The following UBR3 variants were observed in gnomAD, a reference collection of about 807,000 sequenced individuals.
UBR3 encodes the protein E3 ubiquitin-protein ligase UBR3.
A neutral mutation model predicts 243.2 loss-of-function variants in UBR3; 85 were observed. That is an observed-to-expected ratio of 0.35 (90% CI 0.29 to 0.42). The LOEUF is 0.42. UBR3 is among the 10% of genes least tolerant of loss of function. The probability of loss-of-function intolerance (pLI) is 1.00; values close to 1 mark genes in which losing one functional copy is unlikely to be tolerated. For synonymous variants in UBR3, 748 were observed against 799.8 expected, an observed-to-expected ratio of 0.94 and a Z score of 1.09; for missense variants, 1,686 against 2,300.8, an observed-to-expected ratio of 0.73 and a Z score of 5.47.
chr2:169,888,358 C>G (rs1390392609), intron 5 of UBR3, among the ~76,000 whole-genome samples: 1 of 151,680 alleles, frequency 6.6e-6, no homozygotes, highest in Non-Finnish European at 1.5e-5. Flanking sequence ...AGGCTGATCT[C>G]GAACTCCTGA....
chr2:169,844,495 T>C (rs1296735620), intron 1 of UBR3, among the ~76,000 whole-genome samples: 4 of 9,784 alleles, frequency 4.1e-4, no homozygotes, highest in Non-Finnish European at 1.3e-3. Flanking sequence ...CCTCTCTCTT[T>C]TTTTTTTTTT....
intron 25 of UBR3, among the ~76,000 whole-genome samples, chr2:169,992,599 A>T (rs1484809299): frequency 6.6e-6 from 1 of 152,088 alleles, no homozygotes; most frequent in Non-Finnish European, 1.5e-5. Context: ...TTTGTCTCTT[A>T]TTTCTGTTGC....
chr2:169,859,273 G>A (rs937138018), intron 1 of UBR3, among the ~76,000 whole-genome samples: 2 of 151,780 alleles, frequency 1.3e-5, no homozygotes, highest in Non-Finnish European at 2.9e-5. Flanking sequence ...GGGTTTCACC[G>A]TGCTAGCCAG....
chr2:169,917,149 A>G (rs1212844203), intron 11 of UBR3, among the ~76,000 whole-genome samples: 1 of 152,014 alleles, frequency 6.6e-6, no homozygotes, highest in Non-Finnish European at 1.5e-5. Context: ...GATTTTGTAC[A>G]TTTGGATTTT....
intron 19 of UBR3, among the ~76,000 whole-genome samples, chr2:169,937,316 T>C (rs901660419): frequency 2.0e-5 from 3 of 152,224 alleles, no homozygotes; most frequent in African/African-American, 4.8e-5. Flanking sequence ...TTTTGAGAAG[T>C]GTCTGTTCGT....
intron 5 of UBR3, among the ~76,000 whole-genome samples, chr2:169,881,163 C>G (rs546047991): frequency 4.0e-5 from 6 of 151,720 alleles, no homozygotes; most frequent in African/African-American, 1.2e-4. Context: ...TAGTTTAGAC[C>G]CTTTGACCTT....
intron 11 of UBR3, among the ~76,000 whole-genome samples, chr2:169,922,226 C>T (rs995130001): frequency 6.7e-6 from 1 of 149,860 alleles, no homozygotes; most frequent in Non-Finnish European, 1.5e-5. Flanking sequence ...GTGGAGGTTG[C>T]AGCGAACTGT....
Position 169,966,170 on chromosome 2 carries a change from C to T in UBR3, c.3634+7644C>T, listed in dbSNP as rs2087798672. On this transcript the variant is annotated intron_variant, in intron 24 of 38. Coordinates refer to ENST00000272793, the MANE Select transcript of UBR3 (RefSeq NM_172070.4). ...CCTTCTTTCTTGATCATTATCCTCCCCACCACCTTTTTTAATTTTTACTAG... is the reference window on the plus strand; with the variant it reads ...CCTTCTTTCTTGATCATTATCCTCCTCACCACCTTTTTTAATTTTTACTAG... Among the ~76,000 whole-genome samples, 3 of 152,038 alleles carry T rather than the reference C, an allele frequency of 2.0e-5. No individual in the cohort carries two copies. The South Asian group carries it at 6.2e-4, about 32-fold the overall frequency.
Position 169,902,698 on chromosome 2 carries a change from C to G in UBR3, c.1466-2416C>G, listed in dbSNP as rs1170224397. On this transcript the variant is annotated intron_variant, in intron 8 of 38. Coordinates refer to ENST00000272793, the MANE Select transcript of UBR3 (RefSeq NM_172070.4). ...AATCTCGGCTCACTGCAACCTCCGC[C>G]TCCCGGGTTCAAGTGATTCTCCTGC... is the stretch of plus-strand genomic sequence containing the variant. 2.6e-5 allele frequency among the ~76,000 whole-genome samples: 4 copies of G among 151,686 alleles called. No individual in the cohort carries two copies. In the East Asian group the frequency reaches 7.7e-4, roughly 29 times the overall value.
chr2:169,927,204 C>T (rs1488753529), intron 16 of UBR3, 116 bp from the exon 17 acceptor site: 2 of 1,071,784 alleles, frequency 1.9e-6, no homozygotes, highest in Non-Finnish European at 2.7e-6. Flanking sequence ...CTTCTTTACT[C>T]TTTAATTTGA....
At chr2:169,844,557 A>G (rs1472270799) in intron 1 of UBR3, among the ~76,000 whole-genome samples, 1 of 143,788 alleles carries the variant, frequency 7.0e-6, no homozygotes, top group East Asian at 2.1e-4. Context: ...GCAGTGGTGC[A>G]GTCGTGGCTC....
At chr2:169,855,732 C>G (rs979252488) in intron 1 of UBR3, among the ~76,000 whole-genome samples, 1 of 152,234 alleles carries the variant, frequency 6.6e-6, no homozygotes, top group African/African-American at 2.4e-5. Context: ...AAAATGGAGT[C>G]TCCTATGTCT....
intron 11 of UBR3, among the ~76,000 whole-genome samples, chr2:169,922,152 GGTGT>G (rs2085726219): frequency 6.6e-6 from 1 of 151,236 alleles, no homozygotes; most frequent in Non-Finnish European, 1.5e-5. Context: ...CAGGCATGGT[GGTGT>G]GTGTCTGTAG....
chr2:169,961,585 T>C (rs779550390), intron 24 of UBR3, among the ~76,000 whole-genome samples: 14 of 152,204 alleles, frequency 9.2e-5, no homozygotes, highest in Non-Finnish European at 1.3e-4. Flanking sequence ...TAGATGGATA[T>C]AGAATTCCAG....
chr2:170,081,959 A>G lies in UBR3; in HGVS notation c.*116A>G. ...TTTTGCTGAGGGAGAAAAAGAAAACATACATTATGAAGCCTTTCCAAAATT... is the reference window on the plus strand; with the variant it reads ...TTTTGCTGAGGGAGAAAAAGAAAACGTACATTATGAAGCCTTTCCAAAATT... On this transcript the variant is annotated 3_prime_UTR_variant, in exon 39 of 39. Transcript: ENST00000272793. 1.4e-6 allele frequency: 1 copy of G among 729,844 alleles called. No individual in the cohort carries two copies. Among genetic ancestry groups the G allele is most frequent in the South Asian group, 3.7e-5 (1 of 27,240 alleles). 45.2% of individuals were successfully genotyped at this position (729,844 alleles called of 1,614,324 possible).
In UBR3 at chr2:169,950,618, G is replaced by GA. The variant is rs201332443; in HGVS notation, c.3545+562dup. On this transcript the variant is annotated intron_variant, in intron 23 of 38. Transcript: ENST00000272793. ...TTTTTTTTCATCTTTTGACTTTCTT[G>GA]AAAAAAAAATGGGATTTTTTTAAAA... 4.7e-3 allele frequency among the ~76,000 whole-genome samples: 680 copies of GA among 144,266 alleles called. 5 individuals carry two copies. The highest frequency in any genetic ancestry group is 0.016 in the African/African-American group (614 of 38,810). The allele number at this position is 144,266 out of a possible 152,430, so 94.6% of individuals were successfully genotyped here.
At chr2:169,857,062 A>ATGTTTTTTTTTTTT (rs2082901107) in intron 1 of UBR3, among the ~76,000 whole-genome samples, 1 of 28,472 alleles carries the variant, frequency 3.5e-5, no homozygotes, top group Non-Finnish European at 8.2e-5. Flanking sequence ...TAATTTTATT[A>ATGTTTTTTTTTTTT]TGTTTTTTTT....
intron 35 of UBR3, among the ~76,000 whole-genome samples, chr2:170,066,733 G>A (rs1402552280): frequency 1.3e-5 from 2 of 152,130 alleles, no homozygotes; most frequent in Non-Finnish European, 2.9e-5. Flanking sequence ...TTGGGAGGCT[G>A]AGGTGGGCGA....
chr2:170,016,038 A>G (rs1032153866), intron 30 of UBR3, among the ~76,000 whole-genome samples: 2 of 151,912 alleles, frequency 1.3e-5, no homozygotes, highest in African/African-American at 4.8e-5. Flanking sequence ...AAGTTGAAAT[A>G]TTACCTAATG....
Sources: allele counts gnomAD v4.1 joint callset (sites outside exome capture counted in the v4.1 genomes callset), GRCh38; gene constraint gnomAD v4.1.1; transcripts MANE v1.5; gene names NCBI Gene and HGNC (gene_info 2026-07-23, HGNC 2026-07-21).